CTNND2: variants seen among roughly 807,000 people sequenced by gnomAD.
The protein encoded by CTNND2 is catenin delta 2, also known as catenin delta-2.
CTNND2 carries 22 observed loss-of-function variants against 144.4 expected under a neutral mutation model. The observed-to-expected ratio is 0.15, with a 90% CI of 0.11 to 0.22. CTNND2 has a LOEUF of 0.22. Among genes scored for constraint, CTNND2 ranks in the 10% least tolerant of loss-of-function variants. The pLI, the probability that CTNND2 is intolerant of heterozygous loss-of-function variation, is 1.00. For synonymous variants in CTNND2, 751 were observed against 695.6 expected (o/e 1.08, Z -1.25); for missense variants, 1,353 against 1,618.8 (o/e 0.84, Z 2.82).
chr5:11,759,001 T>C (rs1046894158), intron 1 of CTNND2, among the ~76,000 whole-genome samples: 1 of 152,000 alleles, frequency 6.6e-6, no homozygotes, highest in Non-Finnish European at 1.5e-5. Context: ...TGCTCAAAAA[T>C]ATTAAACAAA....
At chr5:11,528,022 A>T (rs968147029) in intron 3 of CTNND2, among the ~76,000 whole-genome samples, 1 of 152,228 alleles carries the variant, frequency 6.6e-6, no homozygotes, top group Non-Finnish European at 1.5e-5. Context: ...AATAGAGTCA[A>T]TTTAAAAAAC....
chr5:11,161,747 T>G (rs1377001183), intron 11 of CTNND2, among the ~76,000 whole-genome samples: 1 of 151,956 alleles, frequency 6.6e-6, no homozygotes, highest in Non-Finnish European at 1.5e-5. Flanking sequence ...AAAATGTGCA[T>G]TTTTTTCATT....
At position 11,082,833 on chromosome 5, in the gene CTNND2, A is replaced by C; in HGVS notation, c.2651T>G (p.Ile884Ser). 3 of 1,614,154 alleles carry C rather than the reference A, an allele frequency of 1.9e-6. No homozygotes were observed. The highest frequency in any genetic ancestry group is 2.5e-6 in the Non-Finnish European group (3 of 1,180,032). Reference sequence around the variant, plus strand: ...TTTCTCTTTTCGGACAGCGGCTCGGATATATACTGACCACTGCAAAAACAG... The same window carrying C: ...TTTCTCTTTTCGGACAGCGGCTCGGCTATATACTGACCACTGCAAAAACAG... ...AAGSWKWSVYIRAAVRKEKGL... is the reference protein window; with the variant it reads ...AAGSWKWSVYSRAAVRKEKGL... The change falls in exon 16 of 22, where the codon ATC becomes AGC. Residue 884 changes from isoleucine (I) to serine (S), a missense_variant. Physicochemically the swap from Ile to Ser is moderately radical, Grantham distance 142 (BLOSUM62 -2). Around this residue, in one of 4 missense-constraint regions of CTNND2, gnomAD observed 459 missense variants for 674.3 expected, o/e 0.68. Coordinates refer to ENST00000304623, the MANE Select transcript of CTNND2 (RefSeq NM_001332.4).
intron 3 of CTNND2, among the ~76,000 whole-genome samples, chr5:11,536,240 T>C (rs116482040): frequency 0.011 from 1,621 of 152,088 alleles, 32 homozygotes; most frequent in African/African-American, 0.037. Context: ...TTTTTTTATT[T>C]TTTGGTAGAG....
chr5:11,074,103 G>A (rs559809450), intron 16 of CTNND2, among the ~76,000 whole-genome samples: 9 of 152,272 alleles, frequency 5.9e-5, no homozygotes, highest in South Asian at 2.1e-4. Context: ...TTCCCTGGAC[G>A]GAGGTGGGAT....
chr5:11,519,578 T>C (rs1420314743), intron 3 of CTNND2, among the ~76,000 whole-genome samples: 1 of 152,088 alleles, frequency 6.6e-6, no homozygotes, highest in Non-Finnish European at 1.5e-5. Context: ...GCGTCTTGTC[T>C]TCTGCATCTC....
At chr5:11,597,319 T>C (rs1361812056) in intron 2 of CTNND2, among the ~76,000 whole-genome samples, 1 of 152,196 alleles carries the variant, frequency 6.6e-6, no homozygotes, top group African/African-American at 2.4e-5. Flanking sequence ...AATGTTTAGG[T>C]GTCCACAGGC....
chr5:11,123,351 T>C (rs1038844282), intron 12 of CTNND2, among the ~76,000 whole-genome samples: 16 of 152,348 alleles, frequency 1.1e-4, no homozygotes, highest in African/African-American at 3.1e-4. Context: ...TCTAGACCAG[T>C]GGTTCCTAAC....
chr5:11,537,380 T>C (rs1197269886), intron 3 of CTNND2, among the ~76,000 whole-genome samples: 1 of 152,160 alleles, frequency 6.6e-6, no homozygotes, highest in Non-Finnish European at 1.5e-5. Context: ...GTTGAACTTA[T>C]CCTTTTTGTT....
chr5:11,039,463 C>T (rs540245819), intron 16 of CTNND2, among the ~76,000 whole-genome samples: 1 of 152,330 alleles, frequency 6.6e-6, no homozygotes, highest in Non-Finnish European at 1.5e-5. Flanking sequence ...ATTGATCATA[C>T]CAGTCCCCTT....
intron 2 of CTNND2, among the ~76,000 whole-genome samples, chr5:11,571,555 A>G (rs1407000339): frequency 6.6e-6 from 1 of 152,136 alleles, no homozygotes; most frequent in Non-Finnish European, 1.5e-5. Context: ...TCCAGAGAAA[A>G]AGCCTCTAGT....
chr5:11,446,535 G>C (rs1006149396), intron 3 of CTNND2, among the ~76,000 whole-genome samples: 5 of 152,176 alleles, frequency 3.3e-5, no homozygotes, highest in South Asian at 4.1e-4. Context: ...CTTCAAGAGT[G>C]TGGAGACTAT....
At chr5:11,563,280 A>C (rs918987535) in intron 3 of CTNND2, among the ~76,000 whole-genome samples, 3 of 152,242 alleles carry the variant, frequency 2.0e-5, no homozygotes, top group Non-Finnish European at 4.4e-5. Context: ...AAACAGACCA[A>C]TAGTGAAACA....
At chr5:11,854,265 A>G (rs916182289) in intron 1 of CTNND2, among the ~76,000 whole-genome samples, 1 of 152,112 alleles carries the variant, frequency 6.6e-6, no homozygotes, top group Non-Finnish European at 1.5e-5. Flanking sequence ...TAAAAGTTCA[A>G]CTGCATTACT....
intron 1 of CTNND2, among the ~76,000 whole-genome samples, chr5:11,737,095 T>G (rs532816944): frequency 6.6e-6 from 1 of 152,272 alleles, no homozygotes; most frequent in East Asian, 1.9e-4. Context: ...TTCCCAGCAG[T>G]AGAATTGGTA....
chr5:11,526,422 A>G (rs879926167), intron 3 of CTNND2, among the ~76,000 whole-genome samples: 11 of 152,094 alleles, frequency 7.2e-5, no homozygotes, highest in African/African-American at 2.7e-4. Flanking sequence ...TCCGGAACCT[A>G]TCGATGACGT....
chr5:11,072,545 G>C (rs1226581806), intron 16 of CTNND2, among the ~76,000 whole-genome samples: 1 of 152,208 alleles, frequency 6.6e-6, no homozygotes, highest in African/African-American at 2.4e-5. Context: ...CTGGTTATGA[G>C]AGAAACAATG....
intron 6 of CTNND2, among the ~76,000 whole-genome samples, chr5:11,389,359 T>C (rs1220863091): frequency 6.6e-6 from 1 of 152,212 alleles, no homozygotes; most frequent in Admixed American, 6.5e-5. Context: ...GTTTCCCTTA[T>C]GGGAAATTTT....
At chr5:11,573,900 T>G (rs960738768) in intron 2 of CTNND2, among the ~76,000 whole-genome samples, 30 of 152,208 alleles carry the variant, frequency 2.0e-4, no homozygotes, top group Admixed American at 3.3e-4. Context: ...AAATAAAGCA[T>G]GTTTAATACA....
Sources: allele counts gnomAD v4.1 joint callset (sites outside exome capture counted in the v4.1 genomes callset), GRCh38; gene constraint gnomAD v4.1.1; regional missense constraint gnomAD v4.1.1; transcripts MANE v1.5; gene names NCBI Gene and HGNC (gene_info 2026-07-23, HGNC 2026-07-21).